The following UGT8 variants were observed in gnomAD, a reference collection of about 807,000 sequenced individuals.
UGT8 encodes UDP glycosyltransferase 8, also known as 2-hydroxyacylsphingosine 1-beta-galactosyltransferase.
Under a neutral mutation model 40.5 loss-of-function variants are expected in UGT8, and 12 were observed. That is an observed-to-expected ratio of 0.30 (90% CI 0.19 to 0.48). The LOEUF is 0.48. Ranked by LOEUF, UGT8 falls within the 20% of genes least tolerant of loss-of-function variation. UGT8 has a pLI of 0.99. For missense variants in UGT8, 513 were observed against 648.7 expected (o/e 0.79, Z 2.27); for synonymous variants, 224 against 240.4 (o/e 0.93, Z 0.63).
chr4:114,640,833 A>G (rs368618431), intron 2 of UGT8, among the ~76,000 whole-genome samples: 1 of 152,148 alleles, frequency 6.6e-6, no homozygotes, highest in African/African-American at 2.4e-5. Context: ...ACTTGCCCCC[A>G]TGATTCAATT....
chr4:114,629,774 T>C (rs1578423176), intron 2 of UGT8, among the ~76,000 whole-genome samples: 1 of 152,298 alleles, frequency 6.6e-6, no homozygotes, highest in South Asian at 2.1e-4. Context: ...TTTCCTGATA[T>C]GATAGGAGAT....
At chr4:114,617,531 A>G (rs762504240) in intron 1 of UGT8, among the ~76,000 whole-genome samples, 2 of 152,182 alleles carry the variant, frequency 1.3e-5, no homozygotes, top group Non-Finnish European at 2.9e-5. Flanking sequence ...AAATATTTGT[A>G]CATTCTTTGA....
At chr4:114,666,922 C>T (rs919908189) in intron 4 of UGT8, among the ~76,000 whole-genome samples, 3 of 151,968 alleles carry the variant, frequency 2.0e-5, no homozygotes, top group African/African-American at 4.8e-5. Flanking sequence ...AAGATTCTTC[C>T]GGGATGAGAA....
chr4:114,665,091 T>C (rs141265520), intron 3 of UGT8, among the ~76,000 whole-genome samples: 43 of 152,374 alleles, frequency 2.8e-4, no homozygotes, highest in African/African-American at 8.2e-4. Context: ...GTCTATTCCA[T>C]TCAGACTCTT....
intron 1 of UGT8, among the ~76,000 whole-genome samples, chr4:114,603,275 A>T (rs991161966): frequency 1.3e-5 from 2 of 152,196 alleles, no homozygotes; most frequent in African/African-American, 4.8e-5. Flanking sequence ...GAATCATTGT[A>T]TGTGAGTTCT....
rs1369918418 is a variant in UGT8, at chr4:114,663,592, A to T, written c.823-403A>T. On this transcript the variant is annotated intron_variant, in intron 2 of 5. Coordinates refer to ENST00000310836, the MANE Select transcript of UGT8 (RefSeq NM_001128174.3). ...CAATCATACTGGCAAAAATTTGTAA[A>T]TGATACATTAACAAATTTTTGCCAG... 9 of 614,690 alleles carry T rather than the reference A, an allele frequency of 1.5e-5. No individual in the cohort carries two copies. The Admixed American group carries it at 4.4e-4, about 30-fold the overall frequency. 38.1% of individuals were successfully genotyped at this position (614,690 alleles called of 1,614,324 possible).
intron 1 of UGT8, 24 bp from the exon 2 acceptor site, chr4:114,622,845 TTTGTTTTAAG>T: frequency 6.4e-7 from 1 of 1,551,058 alleles, no homozygotes; most frequent in Non-Finnish European, 8.8e-7. Flanking sequence ...AGCATTGTAT[TTTGTTTTAAG>T]TTGTTTTCTG....
In UGT8 at chr4:114,608,853, A is replaced by AG. The variant is rs547045526; in HGVS notation, c.-3+9879_-3+9880insG. The stretch of plus-strand genomic sequence containing the variant: ...ATGTCATGAAACCATAGTTGGAGAA[A>AG]ATAATGATTATATGCATGAGGAAGA... On this transcript the variant is annotated intron_variant, in intron 1 of 5. Coordinates refer to ENST00000310836, the MANE Select transcript of UGT8 (RefSeq NM_001128174.3). 9.0e-4 allele frequency among the ~76,000 whole-genome samples: 137 copies of AG among 152,310 alleles called. 2 individuals are homozygous for AG. The highest frequency in any genetic ancestry group is 3.2e-3 in the African/African-American group (134 of 41,562).
chr4:114,643,611 A>G (rs902082107), intron 2 of UGT8, among the ~76,000 whole-genome samples: 1 of 152,178 alleles, frequency 6.6e-6, no homozygotes, highest in African/African-American at 2.4e-5. Context: ...TGAGCACAGT[A>G]TGTATTTGGC....
chr4:114,638,749 G>C (rs770205269), intron 2 of UGT8, among the ~76,000 whole-genome samples: 28 of 152,184 alleles, frequency 1.8e-4, no homozygotes, highest in Admixed American at 1.3e-4. Context: ...CTGGCTACTT[G>C]TTTGGGTTAT....
chr4:114,639,553 T>A (rs1308352431), intron 2 of UGT8, among the ~76,000 whole-genome samples: 1 of 152,218 alleles, frequency 6.6e-6, no homozygotes, highest in South Asian at 2.1e-4. Context: ...TCTTCTTTTA[T>A]TGTCTCTTGA....
intron 2 of UGT8, among the ~76,000 whole-genome samples, chr4:114,638,899 T>G (rs1475911555): frequency 4.6e-5 from 7 of 152,234 alleles, no homozygotes; most frequent in Admixed American, 4.6e-4. Flanking sequence ...CACTGAGGAT[T>G]TCTCACAGAC....
intron 4 of UGT8, among the ~76,000 whole-genome samples, chr4:114,666,491 C>T (rs1196007673): frequency 6.6e-6 from 1 of 151,774 alleles, no homozygotes; most frequent in Non-Finnish European, 1.5e-5. Context: ...TCTATAAATG[C>T]TAAAACTAAA....
At chr4:114,632,614 G>T (rs533958482) in intron 2 of UGT8, among the ~76,000 whole-genome samples, 64 of 152,164 alleles carry the variant, frequency 4.2e-4, no homozygotes, top group Non-Finnish European at 6.8e-4. Context: ...TAGAGAAAAG[G>T]TCTTCTGATA....
intron 2 of UGT8, among the ~76,000 whole-genome samples, chr4:114,630,222 C>T (rs1732484283): frequency 6.6e-6 from 1 of 152,140 alleles, no homozygotes; most frequent in Non-Finnish European, 1.5e-5. Flanking sequence ...TTCACCTTTC[C>T]AGGTATTGTT....
At chr4:114,599,404 G>C (rs921771392) in intron 1 of UGT8, among the ~76,000 whole-genome samples, 6 of 152,168 alleles carry the variant, frequency 3.9e-5, no homozygotes, top group Non-Finnish European at 7.3e-5. Context: ...GCCAGGGCAG[G>C]GATGGAGGTG....
chr4:114,674,928 T>G (rs918998456), intron 5 of UGT8, among the ~76,000 whole-genome samples: 2 of 152,236 alleles, frequency 1.3e-5, no homozygotes, highest in African/African-American at 4.8e-5. Flanking sequence ...TGCAGTCACA[T>G]GTTTTTAGAT....
intron 1 of UGT8, among the ~76,000 whole-genome samples, chr4:114,611,582 C>T (rs1731093438): frequency 6.8e-6 from 1 of 147,158 alleles, no homozygotes; most frequent in Non-Finnish European, 1.5e-5. Flanking sequence ...CAAAACTTTA[C>T]ATTCTTACCT....
rs187523304 is a variant in UGT8, at chr4:114,626,564, C to T, written c.822+2862C>T. Among the ~76,000 whole-genome samples the T allele has an allele frequency of 2.8e-4, 42 of 152,274 alleles. No individual in the cohort carries two copies. The East Asian group carries it at 6.6e-3, about 24-fold the overall frequency. On this transcript the variant is annotated intron_variant, in intron 2 of 5. Coordinates refer to ENST00000310836, the MANE Select transcript of UGT8 (RefSeq NM_001128174.3). ...GAAATCCTGTAGAGAGCATATAGTT[C>T]GGCTCCATTCCTTTTATTTATTCTT...
Sources: allele counts gnomAD v4.1 joint callset (sites outside exome capture counted in the v4.1 genomes callset), GRCh38; gene constraint gnomAD v4.1.1; transcripts MANE v1.5; gene names NCBI Gene and HGNC (gene_info 2026-07-23, HGNC 2026-07-21).